The following TACC2 variants were observed in gnomAD, a reference collection of about 807,000 sequenced individuals.
TACC2 encodes transforming acidic coiled-coil containing protein 2, also known as transforming acidic coiled-coil-containing protein 2.
A neutral mutation model predicts 227.3 loss-of-function variants in TACC2; 137 were observed. The ratio of observed to expected loss-of-function variants is 0.60; its 90% CI spans 0.52 to 0.69. The LOEUF (loss-of-function observed/expected upper bound fraction) is 0.69. Among genes scored for constraint, TACC2 ranks in the 30% least tolerant of loss-of-function variants. TACC2 has a pLI of 0.00. For synonymous variants in TACC2, 1,523 were observed against 1,487.5 expected (o/e 1.02, Z -0.55); for missense variants, 3,470 against 3,694.4 (o/e 0.94, Z 1.57).
At chr10:122,252,011 C>T (rs371722441) in intron 22 of TACC2, among the ~76,000 whole-genome samples, 24 of 152,332 alleles carry the variant, frequency 1.6e-4, no homozygotes, top group South Asian at 1.4e-3. Flanking sequence ...CTGGGCATTT[C>T]GCCCAATCAG....
chr10:122,215,414 C>T lies in TACC2; in HGVS notation c.7307C>T (p.Ser2436Leu), dbSNP rs765550124. 3.1e-6 allele frequency: 5 copies of T among 1,613,930 alleles called. No homozygotes were observed. The highest frequency in any genetic ancestry group is 1.1e-5 in the South Asian group (1 of 91,068). ...LKTDTFRVKKSPKRSPLSDPP... is the reference protein window; with the variant it reads ...LKTDTFRVKKLPKRSPLSDPP... ...AGTGACACATTTAGGGTGAAAAAGT[C>T]GCCAAAACGGTCTCCTCTCTCTGAT... The change falls in exon 10 of 23, where the codon TCG (serine) becomes TTG (leucine). Residue 2436 changes from serine (S) to leucine (L), a missense_variant. Coordinates refer to ENST00000369005, the MANE Select transcript of TACC2 (RefSeq NM_206862.4).
At position 122,240,844 on chromosome 10, in the gene TACC2, T is replaced by A. The variant is rs78418323; in HGVS notation, c.8349-1114T>A. Among the ~76,000 whole-genome samples the A allele has an allele frequency of 2.0e-4, 30 of 152,286 alleles. No homozygotes were observed. The East Asian group carries it at 5.0e-3, about 25-fold the overall frequency. ...CGTCTTCACACATCAGTCCTTCCAT[T>A]TGGGGACAGCTGGGAGGCAGTATGA... On this transcript the variant is annotated intron_variant, in intron 18 of 22. Coordinates refer to ENST00000369005, the MANE Select transcript of TACC2 (RefSeq NM_206862.4).
intron 1 of TACC2, among the ~76,000 whole-genome samples, chr10:122,020,799 T>C (rs190482432): frequency 1.2e-4 from 19 of 152,316 alleles, no homozygotes; most frequent in East Asian, 1.9e-4. Context: ...TTCTGTAATT[T>C]AGTTTTTCTA....
At chr10:122,191,818 T>C (rs2094421143) in intron 7 of TACC2, among the ~76,000 whole-genome samples, 1 of 152,248 alleles carries the variant, frequency 6.6e-6, no homozygotes. Context: ...AATTTTCTTT[T>C]CTTTCATTTT....
intron 1 of TACC2, among the ~76,000 whole-genome samples, chr10:122,013,998 A>G (rs1011741245): frequency 6.6e-6 from 1 of 150,728 alleles, no homozygotes; most frequent in South Asian, 2.1e-4. Context: ...GAATTTATTA[A>G]ACTTATAAAA....
At chr10:122,106,037 G>T (rs1187979984) in intron 5 of TACC2, among the ~76,000 whole-genome samples, 1 of 149,100 alleles carries the variant, frequency 6.7e-6, no homozygotes, top group Non-Finnish European at 1.5e-5. Flanking sequence ...GCCCAGGCTG[G>T]AGTACAGTGG....
Position 122,086,948 on chromosome 10 carries a change from A to G in TACC2, c.4448A>G (p.Glu1483Gly). ...AAGCAACAGTTGGCTGGAGAGGCTGAGATTTCCCATCTGGCTCTGCAAGAT... is the reference window on the plus strand; with the variant it reads ...AAGCAACAGTTGGCTGGAGAGGCTGGGATTTCCCATCTGGCTCTGCAAGAT... ...EKKQQLAGEA[E>G]ISHLALQDPA... Residue 1483 changes from glutamate to glycine, a missense_variant, in exon 4 of 23, where the codon GAG becomes GGG. Glu to Gly is a moderately conservative substitution (Grantham distance 98). Transcript: ENST00000369005. 1 of 1,613,964 alleles carries G rather than the reference A, an allele frequency of 6.2e-7. No homozygotes were observed. Among genetic ancestry groups the G allele is most frequent in the African/African-American group, 1.3e-5 (1 of 75,064 alleles).
intron 7 of TACC2, among the ~76,000 whole-genome samples, chr10:122,161,844 A>G (rs2092831464): frequency 6.6e-6 from 1 of 152,252 alleles, no homozygotes; most frequent in African/African-American, 2.4e-5. Context: ...GTTAGAGCTT[A>G]CAGATGTTTC....
chr10:122,152,753 C>G (rs2092170841), intron 7 of TACC2, among the ~76,000 whole-genome samples: 1 of 152,190 alleles, frequency 6.6e-6, no homozygotes, highest in African/African-American at 2.4e-5. Context: ...TCCTCACTCT[C>G]TGTGGCCAGA....
chr10:122,019,421 A>C (rs1957069861), intron 1 of TACC2, among the ~76,000 whole-genome samples: 1 of 152,208 alleles, frequency 6.6e-6, no homozygotes, highest in Admixed American at 6.5e-5. Flanking sequence ...TTATTTTTAG[A>C]AAGAAAGGTT....
intron 5 of TACC2, among the ~76,000 whole-genome samples, chr10:122,091,696 T>C (rs1259848480): frequency 1.3e-5 from 2 of 152,254 alleles, no homozygotes; most frequent in East Asian, 1.9e-4. Flanking sequence ...GAGGAAGCCG[T>C]GCACGTGGAC....
At chr10:122,245,739 G>A (rs1005414753) in intron 19 of TACC2, among the ~76,000 whole-genome samples, 2 of 152,076 alleles carry the variant, frequency 1.3e-5, no homozygotes, top group Non-Finnish European at 2.9e-5. Context: ...TCTTAATAAT[G>A]GGTTACCAAT....
In TACC2 at chr10:122,128,876, G is replaced by GTCTCTCTCTCTCTCTCTCTCTCTCTCTC. The variant is rs146242546; in HGVS notation, c.5574-3718_5574-3717insCTCTCTCTCTCTCTCTCTCTCTCTCTCT. On this transcript the variant is annotated intron_variant, in intron 5 of 22. Coordinates refer to ENST00000369005, the MANE Select transcript of TACC2 (RefSeq NM_206862.4). ...TTGTTCAGGCTATTATGCTTGCGCTGTCTCTCTCTCTCTCTGTCACGTGCT... is the reference window on the plus strand; with the variant it reads ...TTGTTCAGGCTATTATGCTTGCGCTGTCTCTCTCTCTCTCTCTCTCTCTCTCTCTCTCTCTCTCTCTCTGTCACGTGCT... Among the ~76,000 whole-genome samples the GTCTCTCTCTCTCTCTCTCTCTCTCTCTC allele has an allele frequency of 5.3e-5, 8 of 150,164 alleles. No individual in the cohort carries two copies. The South Asian group carries it at 8.5e-4, about 16-fold the overall frequency.
At chr10:122,250,590 G>A (rs1226586652) in intron 22 of TACC2, among the ~76,000 whole-genome samples, 1 of 152,136 alleles carries the variant, frequency 6.6e-6, no homozygotes, top group African/African-American at 2.4e-5. Context: ...GGGGCATTTG[G>A]GCCAAGCAGT....
intron 7 of TACC2, chr10:122,192,527 G>C (rs2094442954): frequency 2.7e-6 from 1 of 369,588 alleles, no homozygotes; most frequent in Non-Finnish European, 5.5e-6. Flanking sequence ...GGGCAGCCTC[G>C]GGGCCTCCGG....
At chr10:122,079,105 C>T (rs890327687) in intron 3 of TACC2, 22 of 152,206 alleles carry the variant, frequency 1.4e-4, no homozygotes, top group African/African-American at 5.3e-4. Context: ...TAAATAGGAG[C>T]ACTTCATTTC....
At chr10:122,121,408 C>A (rs1360931678) in intron 5 of TACC2, among the ~76,000 whole-genome samples, 1 of 152,134 alleles carries the variant, frequency 6.6e-6, no homozygotes, top group East Asian at 1.9e-4. Context: ...CCGAGAGGAT[C>A]TTTTTCAAGG....
At chr10:122,234,848 A>G (rs2095827285) in intron 16 of TACC2, among the ~76,000 whole-genome samples, 1 of 152,150 alleles carries the variant, frequency 6.6e-6, no homozygotes, top group African/African-American at 2.4e-5. Context: ...AATTAAATCA[A>G]TTTTCTCCTG....
At chr10:122,163,669 A>ACGCCGGCCACACTCGGGCACG in intron 7 of TACC2, 1 of 1,040,844 alleles carries the variant, frequency 9.6e-7, no homozygotes, top group Non-Finnish European at 1.2e-6. Flanking sequence ...AGAGCCGCGC[A>ACGCCGGCCACACTCGGGCACG]CGCCGGCCAC....
Sources: gnomAD v4.1 joint callset for allele counts (sites outside exome capture counted in the v4.1 genomes callset) on GRCh38, gnomAD v4.1.1 for gene constraint, MANE v1.5 for transcripts, NCBI Gene and HGNC (gene_info 2026-07-23, HGNC 2026-07-21) for gene names.